The following SNX29 variants were observed in gnomAD, a reference collection of about 807,000 sequenced individuals.
SNX29 encodes the protein sorting nexin 29, also known as sorting nexin-29.
SNX29 carries 78 observed loss-of-function variants against 102.1 expected under a neutral mutation model. The ratio of observed to expected loss-of-function variants is 0.76; its 90% CI spans 0.64 to 0.92. The LOEUF (loss-of-function observed/expected upper bound fraction) is 0.92, where lower values mean the gene tolerates loss of function less well. SNX29 is among the 40% of genes least tolerant of loss of function. The pLI, the probability that SNX29 is intolerant of heterozygous loss-of-function variation, is 0.00. For synonymous variants in SNX29, 580 were observed against 414.5 expected (o/e 1.40, Z -4.85); for missense variants, 1,280 against 1,061.7 (o/e 1.21, Z -2.86).
chr16:12,569,282 C>G lies in SNX29; in HGVS notation c.*653C>G, dbSNP rs1200762261. 1 of 228,948 alleles carries G rather than the reference C, an allele frequency of 4.4e-6. No homozygotes were observed. Among genetic ancestry groups the G allele is most frequent in the Non-Finnish European group, 8.7e-6 (1 of 115,530 alleles). 14.2% of individuals were successfully genotyped at this position (228,948 alleles called of 1,614,324 possible). ...TGCAACTTGAGTTCAGAGAACTTCC[C>G]CTACCTCCCCCATGGCTGGCTTCAG... On this transcript the variant is annotated 3_prime_UTR_variant, in exon 21 of 21. Transcript: ENST00000566228.
chr16:12,540,240 T>G (rs1054910778), intron 20 of SNX29, among the ~76,000 whole-genome samples: 24 of 151,960 alleles, frequency 1.6e-4, no homozygotes, highest in African/African-American at 5.5e-4. Flanking sequence ...GCTGACCCGC[T>G]CCCCCCACCC....
At chr16:12,530,644 C>G (rs571739620) in intron 20 of SNX29, among the ~76,000 whole-genome samples, 1 of 152,054 alleles carries the variant, frequency 6.6e-6, no homozygotes, top group African/African-American at 2.4e-5. Flanking sequence ...CAATTTCCCT[C>G]TTCTGGGTTC....
rs535469324 is a variant in SNX29 at position 12,287,343 on chromosome 16, G to A, written c.1782+9307G>A. On this transcript the variant is annotated intron_variant, in intron 15 of 20. Transcript: ENST00000566228. ...CTAAGGAAGGTCTCTGAAGGAAGAG[G>A]AGGCAGGCTGTATCTCACAGGTGTC... Among the ~76,000 whole-genome samples the A allele has an allele frequency of 1.2e-4, 18 of 152,328 alleles. No homozygotes were observed. The South Asian group carries it at 3.3e-3, about 28-fold the overall frequency.
chr16:12,063,315 T>A (rs2050857775), intron 9 of SNX29, among the ~76,000 whole-genome samples: 1 of 143,834 alleles, frequency 7.0e-6, no homozygotes, highest in Non-Finnish European at 1.5e-5. Flanking sequence ...TTATGTGGCC[T>A]CCCTCCACTT....
chr16:12,006,037 G>A (rs957677410), intron 3 of SNX29, among the ~76,000 whole-genome samples: 2 of 152,026 alleles, frequency 1.3e-5, no homozygotes, highest in Non-Finnish European at 2.9e-5. Flanking sequence ...GGAGTACGTG[G>A]CTTACTATTA....
chr16:12,473,219 C>T (rs2087440557), intron 18 of SNX29, among the ~76,000 whole-genome samples: 1 of 152,208 alleles, frequency 6.6e-6, no homozygotes, highest in African/African-American at 2.4e-5. Flanking sequence ...ACTTAATTTG[C>T]AGAGAAAGTT....
Position 12,139,358 on chromosome 16 carries a change from C to T in SNX29, c.1595+9600C>T, listed in dbSNP as rs139888009. 5.3e-3 allele frequency among the ~76,000 whole-genome samples: 809 copies of T among 152,302 alleles called. 9 individuals are homozygous for T. The highest frequency in any genetic ancestry group is 0.019 in the African/African-American group (773 of 41,556). On this transcript the variant is annotated intron_variant, in intron 13 of 20. Coordinates refer to ENST00000566228, the MANE Select transcript of SNX29 (RefSeq NM_032167.5). ...CACAGTCCGGGTTGTCATCCACGCA[C>T]TGCCTGTCTTCCCTTTTAGACTGTG...
chr16:12,538,036 T>TCCTGCTAAAGTATA (rs2077155945), intron 20 of SNX29, among the ~76,000 whole-genome samples: 2 of 152,008 alleles, frequency 1.3e-5, no homozygotes, highest in African/African-American at 4.8e-5. Context: ...AATCGTCCTG[T>TCCTGCTAAAGTATA]CCTGCTAAAG....
chr16:12,553,309 C>A (rs865827366), intron 20 of SNX29, among the ~76,000 whole-genome samples: 3 of 152,152 alleles, frequency 2.0e-5, no homozygotes, highest in Admixed American at 6.5e-5. Flanking sequence ...GGCACCTGGC[C>A]CTGGGAAACG....
chr16:12,227,981 T>G (rs988553660), intron 14 of SNX29, among the ~76,000 whole-genome samples: 18 of 150,434 alleles, frequency 1.2e-4, no homozygotes, highest in Non-Finnish European at 2.4e-4. Context: ...TGGGAGCATG[T>G]TAGAGAGGCA....
chr16:12,574,091 T>C lies in SNX29; in HGVS notation c.*5462T>C, dbSNP rs988096325. The C allele has an allele frequency of 5.3e-6, 1 of 188,368 alleles. No individual in the cohort carries two copies. Among genetic ancestry groups the C allele is most frequent in the Middle Eastern group, 2.0e-3 (1 of 508 alleles). The allele number at this position is 188,368 out of a possible 1,614,324, so 11.7% of individuals were successfully genotyped here. On this transcript the variant is annotated 3_prime_UTR_variant, in exon 21 of 21. Transcript: ENST00000566228. ...GTCTGTGGAAACGCCCTGAAACCTG[T>C]AGTATTATCTTAACTACCCTCTTAT... is the stretch of plus-strand genomic sequence containing the variant.
intron 15 of SNX29, among the ~76,000 whole-genome samples, chr16:12,336,468 C>T (rs547932622): frequency 6.6e-6 from 1 of 152,208 alleles, no homozygotes; most frequent in Non-Finnish European, 1.5e-5. Flanking sequence ...GTTTGTGTTG[C>T]AGTCATGCCC....
chr16:12,158,452 G>A (rs1213406510), intron 13 of SNX29, among the ~76,000 whole-genome samples: 2 of 152,098 alleles, frequency 1.3e-5, no homozygotes, highest in African/African-American at 4.8e-5. Flanking sequence ...CACCCACCTC[G>A]GCCTCCCAAA....
At chr16:12,563,316 G>T (rs1008298840) in intron 20 of SNX29, among the ~76,000 whole-genome samples, 8 of 148,984 alleles carry the variant, frequency 5.4e-5, no homozygotes, top group African/African-American at 1.6e-4. Context: ...TTTGTGACTG[G>T]AGAGAGTCAC....
At chr16:12,398,404 T>G (rs777398768) in intron 16 of SNX29, 42 bp from the exon 17 acceptor site, 2 of 1,597,918 alleles carry the variant, frequency 1.3e-6, no homozygotes, top group Admixed American at 1.7e-5. Flanking sequence ...ATGGTAACCA[T>G]TATGCATTTT....
intron 14 of SNX29, among the ~76,000 whole-genome samples, chr16:12,236,455 A>G (rs540593267): frequency 2.0e-5 from 3 of 152,204 alleles, no homozygotes; most frequent in African/African-American, 4.8e-5. Context: ...AAGCAAGGCT[A>G]TTATTTACTG....
intron 18 of SNX29, among the ~76,000 whole-genome samples, chr16:12,444,159 A>G (rs2085939594): frequency 6.6e-6 from 1 of 152,088 alleles, no homozygotes; most frequent in African/African-American, 2.4e-5. Context: ...TCAGTATAGC[A>G]CCTAGCATGT....
At chr16:12,430,553 G>A (rs1567555037) in intron 18 of SNX29, among the ~76,000 whole-genome samples, 1 of 152,160 alleles carries the variant, frequency 6.6e-6, no homozygotes. Context: ...TTATTCATTT[G>A]TAAAATGAGC....
At chr16:12,362,976 C>T (rs756649477) in intron 16 of SNX29, among the ~76,000 whole-genome samples, 3 of 152,156 alleles carry the variant, frequency 2.0e-5, no homozygotes, top group South Asian at 2.1e-4. Flanking sequence ...CATGCCATGC[C>T]AGCCCATCTC....
Sources: allele counts gnomAD v4.1 joint callset (sites outside exome capture counted in the v4.1 genomes callset), GRCh38; gene constraint gnomAD v4.1.1; transcripts MANE v1.5; gene names NCBI Gene and HGNC (gene_info 2026-07-23, HGNC 2026-07-21).